The following ANO1 variants were observed in gnomAD, a reference collection of about 807,000 sequenced individuals.
ANO1 encodes anoctamin 1.
Under a neutral mutation model 124.0 loss-of-function variants are expected in ANO1, and 59 were observed. The ratio of observed to expected loss-of-function variants is 0.48; its 90% CI spans 0.39 to 0.59. ANO1 has a LOEUF of 0.59. Ranked by LOEUF, ANO1 falls within the 20% of genes least tolerant of loss-of-function variation. ANO1 has a pLI of 0.00. For synonymous variants in ANO1, 529 were observed against 532.0 expected (o/e 0.99, Z 0.08); for missense variants, 1,059 against 1,328.0 (o/e 0.80, Z 3.15).
chr11:70,155,452 G>A (rs1843303706), intron 14 of ANO1, among the ~76,000 whole-genome samples: 1 of 152,228 alleles, frequency 6.6e-6, no homozygotes, highest in African/African-American at 2.4e-5. Context: ...CCCAGTGGCT[G>A]CTCTGCGGTT....
chr11:70,075,706 A>AAAAAG (rs1347276737), upstream of ANO1, among the ~76,000 whole-genome samples: 1 of 152,224 alleles, frequency 6.6e-6, no homozygotes, highest in Non-Finnish European at 1.5e-5. Context: ...TCACTGAGAC[A>AAAAAG]AAAAGAAAAC....
chr11:70,123,047 A>G (rs2046358799), intron 8 of ANO1, among the ~76,000 whole-genome samples: 1 of 152,152 alleles, frequency 6.6e-6, no homozygotes, highest in African/African-American at 2.4e-5. Context: ...ACTAACTCGC[A>G]TGAGCCCATC....
intron 1 of ANO1, among the ~76,000 whole-genome samples, chr11:70,010,179 G>GTGTGTGTGTGTA: frequency 3.6e-5 from 3 of 83,774 alleles, no homozygotes; most frequent in African/African-American, 9.4e-5. Flanking sequence ...GTGTGTGTGT[G>GTGTGTGTGTGTA]TATATATATA....
At chr11:70,015,120 T>C (rs1204291022) in intron 1 of ANO1, 1 of 152,166 alleles carries the variant, frequency 6.6e-6, no homozygotes, top group African/African-American at 2.4e-5. Context: ...TCGTAAGTTT[T>C]TGTGCTAGTG....
At chr11:70,009,204 C>A (rs149735464) in intron 1 of ANO1, among the ~76,000 whole-genome samples, 29 of 152,286 alleles carry the variant, frequency 1.9e-4, no homozygotes, top group African/African-American at 7.0e-4. Context: ...GTGGAGTGGT[C>A]TCTCCCTATG....
intron 1 of ANO1, among the ~76,000 whole-genome samples, chr11:69,997,974 T>G (rs1207452059): frequency 2.0e-5 from 3 of 152,100 alleles, no homozygotes; most frequent in African/African-American, 7.2e-5. Context: ...GCTTCAATAT[T>G]TCTTTATAGC....
Position 70,111,286 on chromosome 11 carries a change from A to G in ANO1, c.800-421A>G, listed in dbSNP as rs370717833. The stretch of plus-strand genomic sequence containing the variant: ...TGACACCATCAATTTTTCCATCCGT[A>G]TATTTCCTCATGATTCAGCTTCTCT... On this transcript the variant is annotated intron_variant, in intron 6 of 25. Transcript: ENST00000355303. 1,629 of 465,082 alleles carry G rather than the reference A, an allele frequency of 3.5e-3. 38 individuals are homozygous for G. The highest frequency in any genetic ancestry group is 0.027 in the Middle Eastern group (83 of 3,118). 28.8% of individuals were successfully genotyped at this position (465,082 alleles called of 1,614,324 possible).
At chr11:70,127,075 C>T (rs1398253434) in intron 10 of ANO1, among the ~76,000 whole-genome samples, 2 of 131,930 alleles carry the variant, frequency 1.5e-5, no homozygotes, top group East Asian at 2.4e-4. Flanking sequence ...CTGGTGCTTG[C>T]GGGAAGTGAG....
At chr11:70,171,138 G>A in intron 22 of ANO1, 99 bp downstream of exon 22, 1 of 1,469,616 alleles carries the variant, frequency 6.8e-7, no homozygotes, top group Non-Finnish European at 9.1e-7. Flanking sequence ...AGCTGGCCAG[G>A]TGTCCCTCCT....
At chr11:70,012,000 T>TTCCATCCA (rs201200119) in intron 1 of ANO1, among the ~76,000 whole-genome samples, 1 of 150,528 alleles carries the variant, frequency 6.6e-6, no homozygotes, top group African/African-American at 2.5e-5. Context: ...CCATCCATCT[T>TTCCATCCA]TCCATCCATC....
At chr11:69,969,416 G>A in the ANO1 span, among the ~76,000 whole-genome samples, 1 of 152,166 alleles carries the variant, frequency 6.6e-6, no homozygotes, top group Non-Finnish European at 1.5e-5. Context: ...GGAAAAATGG[G>A]AATGAGACTC....
At chr11:70,010,179 G>GTATGTGTGTGTATCTATATATATATATA (rs1188271051) in intron 1 of ANO1, among the ~76,000 whole-genome samples, 1 of 83,776 alleles carries the variant, frequency 1.2e-5, no homozygotes, top group Non-Finnish European at 2.4e-5. Flanking sequence ...GTGTGTGTGT[G>GTATGTGTGTGTATCTATATATATATATA]TATATATATA....
intron 24 of ANO1, among the ~76,000 whole-genome samples, chr11:70,184,197 A>G (rs2049025802): frequency 2.0e-5 from 3 of 152,200 alleles, no homozygotes; most frequent in Admixed American, 1.3e-4. Context: ...TGGGGACGTC[A>G]GCTCCATTCA....
intron 1 of ANO1, among the ~76,000 whole-genome samples, chr11:70,014,197 C>T (rs574924576): frequency 6.6e-6 from 1 of 152,212 alleles, no homozygotes; most frequent in East Asian, 1.9e-4. Flanking sequence ...TCCTTAGGAG[C>T]TCAGCGTATT....
chr11:69,996,052 A>G (rs544937936), intron 1 of ANO1, among the ~76,000 whole-genome samples: 1 of 152,354 alleles, frequency 6.6e-6, no homozygotes, highest in South Asian at 2.1e-4. Context: ...TAGAGGTTGC[A>G]GTGAGCCGAT....
chr11:70,085,748 A>G, intron 1 of ANO1: 1 of 1,406,964 alleles, frequency 7.1e-7, no homozygotes, highest in Non-Finnish European at 9.3e-7. Flanking sequence ...GACAGCCTCC[A>G]CTCGAGGCCT....
intron 1 of ANO1, among the ~76,000 whole-genome samples, chr11:70,023,554 G>A (rs1856841420): frequency 6.6e-6 from 1 of 152,224 alleles, no homozygotes; most frequent in African/African-American, 2.4e-5. Context: ...ATTCGGCCCA[G>A]TACTGAGATG....
chr11:69,973,324 A>T, the ANO1 span, among the ~76,000 whole-genome samples: 1 of 152,210 alleles, frequency 6.6e-6, no homozygotes. Context: ...AATTTTCTTA[A>T]AAGCAGAGAC....
At chr11:70,117,306 A>G (rs1041297532) in intron 8 of ANO1, among the ~76,000 whole-genome samples, 2 of 151,740 alleles carry the variant, frequency 1.3e-5, no homozygotes, top group African/African-American at 4.8e-5. Flanking sequence ...CCTGACCTCA[A>G]ATGATCCACC....
Sources: gnomAD v4.1 joint callset for allele counts (sites outside exome capture counted in the v4.1 genomes callset) on GRCh38, gnomAD v4.1.1 for gene constraint, MANE v1.5 for transcripts, NCBI Gene and HGNC (gene_info 2026-07-23, HGNC 2026-07-21) for gene names.